Variants in ERC2 observed in about 807,000 individuals in gnomAD.
ERC2 encodes the protein ERC protein 2.
In ERC2, 42 loss-of-function variants were observed where a neutral mutation model predicts 114.8. That is an observed-to-expected ratio of 0.37 (90% CI 0.29 to 0.47). The LOEUF is 0.47. Ranked by LOEUF, ERC2 falls within the 20% of genes least tolerant of loss-of-function variation. ERC2 has a pLI of 0.99. For missense variants in ERC2, 939 were observed against 1,150.7 expected (o/e 0.82, Z 2.66); for synonymous variants, 454 against 425.5 (o/e 1.07, Z -0.82).
intron 3 of ERC2, among the ~76,000 whole-genome samples, chr3:56,224,885 C>T (rs1374502674): frequency 6.6e-6 from 1 of 152,188 alleles, no homozygotes; most frequent in African/African-American, 2.4e-5. Flanking sequence ...TACATGACCA[C>T]CAACACAATG....
chr3:55,715,180 A>C (rs1220378933), intron 15 of ERC2, among the ~76,000 whole-genome samples: 1 of 152,168 alleles, frequency 6.6e-6, no homozygotes, highest in Non-Finnish European at 1.5e-5. Context: ...GTCTATGCAC[A>C]AACAGCTGGA....
intron 14 of ERC2, among the ~76,000 whole-genome samples, chr3:55,744,938 G>A (rs148551603): frequency 2.6e-4 from 40 of 152,276 alleles, no homozygotes; most frequent in Non-Finnish European, 4.3e-4. Flanking sequence ...AGAAATGCTA[G>A]CATTTGCTTA....
rs543285110 is a variant in ERC2, at chr3:55,652,699, C to T, written c.*39+31095G>A. On this transcript the variant is annotated intron_variant, in intron 17 of 17. Coordinates refer to ENST00000288221, the MANE Select transcript of ERC2 (RefSeq NM_015576.3). The stretch of plus-strand genomic sequence containing the variant: ...CCAACCTGGCCAACATAGTGAAACC[C>T]CATCTCTCTTAAAAATATAAAAAAA... Among the ~76,000 whole-genome samples, 7 of 151,954 alleles carry T rather than the reference C, an allele frequency of 4.6e-5. No homozygotes were observed. The East Asian group carries it at 9.7e-4, about 21-fold the overall frequency.
intron 1 of ERC2, among the ~76,000 whole-genome samples, chr3:56,449,111 C>T (rs1246925129): frequency 1.3e-5 from 2 of 150,742 alleles, no homozygotes; most frequent in Non-Finnish European, 2.9e-5. Flanking sequence ...TGGATTTGGC[C>T]CACAGGTAGT....
Position 55,609,207 on chromosome 3 carries a change from C to A in ERC2, c.*39+74587G>T, listed in dbSNP as rs576323755. 3.9e-5 allele frequency among the ~76,000 whole-genome samples: 6 copies of A among 152,266 alleles called. No homozygotes were observed. In the East Asian group the frequency reaches 1.2e-3, roughly 29 times the overall value. ...AGTGGTGTGTGGGTGCCTCTCTTACCCCAATTTCCCTTTGAGGCAACACAT... is the reference window on the plus strand; with the variant it reads ...AGTGGTGTGTGGGTGCCTCTCTTACACCAATTTCCCTTTGAGGCAACACAT... On this transcript the variant is annotated intron_variant, in intron 17 of 17. Coordinates refer to ENST00000288221, the MANE Select transcript of ERC2 (RefSeq NM_015576.3).
chr3:56,118,496 A>C (rs1278852884), intron 6 of ERC2, among the ~76,000 whole-genome samples: 1 of 152,180 alleles, frequency 6.6e-6, no homozygotes, highest in Non-Finnish European at 1.5e-5. Context: ...ATTAAGAAGA[A>C]AAATAAATAG....
Position 55,750,322 on chromosome 3 carries a change from C to T in ERC2, c.2565-15404G>A, listed in dbSNP as rs147908804. Among the ~76,000 whole-genome samples the T allele has an allele frequency of 3.3e-5, 5 of 152,272 alleles. No individual in the cohort carries two copies. In the East Asian group the frequency reaches 7.7e-4, roughly 24 times the overall value. Reference sequence around the variant, plus strand: ...AGTAAAGTACGTTGTTTCATTTAGTCTGCTCAAAATAGCCTTCCAAGAGAA... The same window carrying T: ...AGTAAAGTACGTTGTTTCATTTAGTTTGCTCAAAATAGCCTTCCAAGAGAA... On this transcript the variant is annotated intron_variant, in intron 14 of 17. Coordinates refer to ENST00000288221, the MANE Select transcript of ERC2 (RefSeq NM_015576.3).
chr3:55,835,835 A>G (rs1305500111), intron 14 of ERC2, among the ~76,000 whole-genome samples: 1 of 151,948 alleles, frequency 6.6e-6, no homozygotes, highest in East Asian at 1.9e-4. Context: ...AGATGACATG[A>G]TTGTATATCT....
At chr3:55,753,280 A>G (rs370754244) in intron 14 of ERC2, among the ~76,000 whole-genome samples, 1 of 152,324 alleles carries the variant, frequency 6.6e-6, no homozygotes, top group South Asian at 2.1e-4. Context: ...AACAGGGGTA[A>G]CATAGAAAGA....
At chr3:56,405,648 TAGATAGATAGAC>T (rs1421747074) in intron 2 of ERC2, among the ~76,000 whole-genome samples, 1 of 151,882 alleles carries the variant, frequency 6.6e-6, no homozygotes, top group Non-Finnish European at 1.5e-5. Flanking sequence ...CATAGACAGA[TAGATAGATAGAC>T]AGATAGATAG....
chr3:55,569,295 C>T (rs1490626824), intron 17 of ERC2, among the ~76,000 whole-genome samples: 1 of 152,200 alleles, frequency 6.6e-6, no homozygotes, highest in African/African-American at 2.4e-5. Context: ...AAAAAAACTC[C>T]TCCAAGATTA....
chr3:56,345,632 T>G (rs966597950), intron 2 of ERC2, among the ~76,000 whole-genome samples: 3 of 152,064 alleles, frequency 2.0e-5, no homozygotes, highest in Non-Finnish European at 4.4e-5. Context: ...AAGACAACAA[T>G]GATACCAGTA....
intron 3 of ERC2, among the ~76,000 whole-genome samples, chr3:56,227,441 T>C (rs1288668446): frequency 7.0e-6 from 1 of 142,334 alleles, no homozygotes; most frequent in Non-Finnish European, 1.5e-5. Flanking sequence ...AAAAAAAAAA[T>C]CCCTTTAGCA....
intron 14 of ERC2, among the ~76,000 whole-genome samples, chr3:55,870,849 G>C (rs1247664220): frequency 6.6e-6 from 1 of 152,220 alleles, no homozygotes; most frequent in African/African-American, 2.4e-5. Context: ...TGGACGCAAA[G>C]TCTGTTTTGG....
rs201657535 is a variant in ERC2 at position 55,831,152 on chromosome 3, A to AG, written c.2564+57236_2564+57237insC. Among the ~76,000 whole-genome samples, 1,317 of 149,626 alleles carry AG rather than the reference A, an allele frequency of 8.8e-3. 18 individuals are homozygous for AG. The highest frequency in any genetic ancestry group is 0.021 in the Middle Eastern group (6 of 292). ...CAAGACCCCTCTCTACAAAAAAAAAAAAAAATTTAATTAGCCAGGCAGGGT... is the reference window on the plus strand; with the variant it reads ...CAAGACCCCTCTCTACAAAAAAAAAAGAAAAATTTAATTAGCCAGGCAGGGT... On this transcript the variant is annotated intron_variant, in intron 14 of 17. Transcript: ENST00000288221.
chr3:56,456,305 C>A (rs2063059812), intron 1 of ERC2, among the ~76,000 whole-genome samples: 1 of 152,194 alleles, frequency 6.6e-6, no homozygotes, highest in Admixed American at 6.5e-5. Flanking sequence ...TTCTGACTAG[C>A]AAACCAAAGG....
chr3:56,294,839 A>G (rs147883607), intron 3 of ERC2, among the ~76,000 whole-genome samples: 2 of 152,300 alleles, frequency 1.3e-5, no homozygotes, highest in African/African-American at 4.8e-5. Flanking sequence ...CCCAACCAAA[A>G]CATCTCTTTA....
intron 17 of ERC2, among the ~76,000 whole-genome samples, chr3:55,633,057 G>C (rs570011537): frequency 6.6e-6 from 1 of 152,286 alleles, no homozygotes; most frequent in South Asian, 2.1e-4. Flanking sequence ...CCTAGGCATA[G>C]GGAAGTGCAC....
intron 17 of ERC2, among the ~76,000 whole-genome samples, chr3:55,549,915 C>G (rs1314861494): frequency 7.2e-6 from 1 of 138,890 alleles, no homozygotes; most frequent in Non-Finnish European, 1.6e-5. Flanking sequence ...CCCAACCCCC[C>G]TCCCCGACAC....
Sources: gnomAD v4.1 joint callset for allele counts (sites outside exome capture counted in the v4.1 genomes callset) on GRCh38, gnomAD v4.1.1 for gene constraint, MANE v1.5 for transcripts, NCBI Gene and HGNC (gene_info 2026-07-23, HGNC 2026-07-21) for gene names.